The following FBN2 variants were observed in gnomAD, a reference collection of about 807,000 sequenced individuals.
The protein encoded by FBN2 is fibrillin-2.
A neutral mutation model predicts 355.6 loss-of-function variants in FBN2; 105 were observed. The observed-to-expected ratio is 0.30, with a 90% CI of 0.25 to 0.35. The LOEUF is 0.35. Among genes scored for constraint, FBN2 ranks in the 10% least tolerant of loss-of-function variants. The pLI is 1.00. For missense variants in FBN2, 3,280 were observed against 3,758.7 expected (o/e 0.87, Z 3.33); for synonymous variants, 1,350 against 1,301.2 (o/e 1.04, Z -0.81).
intron 48 of FBN2, among the ~76,000 whole-genome samples, chr5:128,293,281 C>A (rs919124166): frequency 2.0e-5 from 3 of 152,144 alleles, no homozygotes; most frequent in South Asian, 4.1e-4. Context: ...CACTTGAGGT[C>A]AGGAGTTCGA....
intron 6 of FBN2, among the ~76,000 whole-genome samples, chr5:128,454,332 T>C (rs1754329719): frequency 6.6e-6 from 1 of 152,206 alleles, no homozygotes; most frequent in Non-Finnish European, 1.5e-5. Flanking sequence ...AAATAGGAGT[T>C]TCTATAATTG....
intron 62 of FBN2, among the ~76,000 whole-genome samples, chr5:128,269,661 T>C (rs993647834): frequency 1.3e-5 from 2 of 152,054 alleles, no homozygotes; most frequent in Non-Finnish European, 1.5e-5. Context: ...TACGTAAGAA[T>C]ACAGCAAACG....
At chr5:128,501,684 TA>T (rs1755820700) in intron 5 of FBN2, among the ~76,000 whole-genome samples, 1 of 152,038 alleles carries the variant, frequency 6.6e-6, no homozygotes, top group Admixed American at 6.6e-5. Context: ...AAATAAAGTC[TA>T]AATGATCAAA....
intron 54 of FBN2, 61 bp downstream of exon 54, chr5:128,287,247 T>A: frequency 6.3e-7 from 1 of 1,576,772 alleles, no homozygotes; most frequent in Non-Finnish European, 8.7e-7. Flanking sequence ...TATAAAATCA[T>A]TAAGATGTAT....
intron 7 of FBN2, among the ~76,000 whole-genome samples, chr5:128,439,090 G>A (rs759283154): frequency 3.3e-5 from 5 of 151,878 alleles, no homozygotes; most frequent in Admixed American, 6.6e-5. Context: ...CTATCTTTTC[G>A]TAAGGATGAA....
chr5:128,260,063 C>T (rs1764927447), intron 64 of FBN2, among the ~76,000 whole-genome samples: 1 of 152,100 alleles, frequency 6.6e-6, no homozygotes, highest in African/African-American at 2.4e-5. Flanking sequence ...GGACTTCTCA[C>T]TCAGCCTTAA....
At chr5:128,408,532 T>C (rs879593444) in intron 8 of FBN2, 142 bp downstream of exon 8, 61 of 984,408 alleles carry the variant, frequency 6.2e-5, no homozygotes, top group Non-Finnish European at 8.3e-5. Flanking sequence ...TATCAATCCC[T>C]CAATACTGGT....
At position 128,342,814 on chromosome 5, in the gene FBN2, C is replaced by T. The variant is rs193119526; in HGVS notation, c.3343+1571G>A. On this transcript the variant is annotated intron_variant, in intron 25 of 64. Coordinates refer to ENST00000262464, the MANE Select transcript of FBN2 (RefSeq NM_001999.4). ...CACGATCTCGGCTCACCAAAACCTC[C>T]GCTTCCTGGGTTTAAGCGATCCTCC... Among the ~76,000 whole-genome samples the T allele has an allele frequency of 5.0e-3, 763 of 152,052 alleles. 7 individuals are homozygous for T. Among genetic ancestry groups the T allele is most frequent in the African/African-American group, 0.018 (734 of 41,460 alleles).
intron 32 of FBN2, among the ~76,000 whole-genome samples, chr5:128,331,105 T>G (rs1750679038): frequency 6.6e-6 from 1 of 152,178 alleles, no homozygotes; most frequent in South Asian, 2.1e-4. Flanking sequence ...GAAACAGAGA[T>G]ATGATTCTTG....
At chr5:128,459,427 A>G (rs887058343) in intron 6 of FBN2, among the ~76,000 whole-genome samples, 2 of 152,190 alleles carry the variant, frequency 1.3e-5, no homozygotes, top group African/African-American at 4.8e-5. Context: ...ATTGAAAAGA[A>G]GGGACTCCTC....
intron 11 of FBN2, among the ~76,000 whole-genome samples, chr5:128,390,364 T>C (rs1211642083): frequency 6.6e-6 from 1 of 152,082 alleles, no homozygotes; most frequent in Admixed American, 6.6e-5. Context: ...CATATTAAGA[T>C]GCTATTTACT....
chr5:128,533,188 C>A (rs1756750961), intron 2 of FBN2, among the ~76,000 whole-genome samples: 1 of 152,192 alleles, frequency 6.6e-6, no homozygotes, highest in Non-Finnish European at 1.5e-5. Context: ...TCTCCAATGA[C>A]AAATGTGCAT....
intron 37 of FBN2, 120 bp downstream of exon 37, chr5:128,312,514 A>C: frequency 1.9e-6 from 2 of 1,050,592 alleles, no homozygotes; most frequent in Non-Finnish European, 2.9e-6. Context: ...AAAGTAGTTC[A>C]AATTCAGTTT....
At chr5:128,354,293 G>A (rs996729178) in intron 20 of FBN2, among the ~76,000 whole-genome samples, 6 of 152,148 alleles carry the variant, frequency 3.9e-5, no homozygotes, top group African/African-American at 7.2e-5. Flanking sequence ...TGTGTCTGAC[G>A]CAGGAGCAGG....
chr5:128,465,359 G>A (rs331064), intron 5 of FBN2, among the ~76,000 whole-genome samples: 1 of 151,840 alleles, frequency 6.6e-6, no homozygotes, highest in Non-Finnish European at 1.5e-5. Context: ...CACTAAATCC[G>A]AGCTCAGTAC....
chr5:128,446,445 A>G, intron 7 of FBN2, 36 bp downstream of exon 7: 1 of 1,610,506 alleles, frequency 6.2e-7, no homozygotes, highest in Non-Finnish European at 8.5e-7. Context: ...CATTAAAGTC[A>G]CAATTAGGCA....
intron 11 of FBN2, among the ~76,000 whole-genome samples, chr5:128,380,317 T>C (rs1306974990): frequency 6.6e-6 from 1 of 152,092 alleles, no homozygotes; most frequent in East Asian, 1.9e-4. Flanking sequence ...TGTTACATAA[T>C]TGAAATGCAA....
chr5:128,317,339 CAAAT>C (rs1750230220), intron 36 of FBN2, among the ~76,000 whole-genome samples: 2 of 152,098 alleles, frequency 1.3e-5, no homozygotes, highest in African/African-American at 4.8e-5. Context: ...CAAACTTTAC[CAAAT>C]GAATTATTTT....
Position 128,377,880 on chromosome 5 carries a change from A to AG in FBN2, c.1724-4dup. 6.2e-7 allele frequency: 1 copy of AG among 1,612,502 alleles called. No individual in the cohort carries two copies. Among genetic ancestry groups the AG allele is most frequent in the Non-Finnish European group, 8.5e-7 (1 of 1,178,668 alleles). ...ATTCTGGATGCACTCATCAATATCT[A>AG]GGAAGATTGAGAATGGCCAAACATC... On this transcript the variant is annotated splice_region_variant and splice_polypyrimidine_tract_variant and intron_variant, in intron 12 of 64. Coordinates refer to ENST00000262464, the MANE Select transcript of FBN2 (RefSeq NM_001999.4).
Sources: gnomAD v4.1 joint callset for allele counts (sites outside exome capture counted in the v4.1 genomes callset) on GRCh38, gnomAD v4.1.1 for gene constraint, MANE v1.5 for transcripts, NCBI Gene and HGNC (gene_info 2026-07-23, HGNC 2026-07-21) for gene names.